The following CSMD1 variants were observed in gnomAD, a reference collection of about 807,000 sequenced individuals.
The protein encoded by CSMD1 is CUB and sushi domain-containing protein 1.
A neutral mutation model predicts 417.5 loss-of-function variants in CSMD1; 213 were observed. That is an observed-to-expected ratio of 0.51 (90% CI 0.46 to 0.57). CSMD1 has a LOEUF of 0.57. Ranked by LOEUF, CSMD1 falls within the 20% of genes least tolerant of loss-of-function variation. The probability of loss-of-function intolerance (pLI) is 0.00; values close to 1 mark genes in which losing one functional copy is unlikely to be tolerated. For missense variants in CSMD1, 6,923 were observed against 4,529.7 expected (o/e 1.53, Z -15.17); for synonymous variants, 2,862 against 1,736.8 (o/e 1.65, Z -16.11).
intron 3 of CSMD1, among the ~76,000 whole-genome samples, chr8:4,299,838 C>T (rs141944248): frequency 1.3e-5 from 2 of 152,048 alleles, no homozygotes; most frequent in Non-Finnish European, 2.9e-5. Context: ...ACCTTCTTGG[C>T]CAGGATGGTC....
intron 5 of CSMD1, among the ~76,000 whole-genome samples, chr8:3,885,417 C>T (rs1806494944): frequency 6.6e-6 from 1 of 152,068 alleles, no homozygotes; most frequent in South Asian, 2.1e-4. Context: ...GACAATATCC[C>T]ATCACAGGAT....
chr8:4,136,539 C>G (rs995489741), intron 3 of CSMD1, among the ~76,000 whole-genome samples: 1 of 152,208 alleles, frequency 6.6e-6, no homozygotes, highest in Non-Finnish European at 1.5e-5. Context: ...TTCAATGACT[C>G]TCAGCAAAAG....
At chr8:3,207,971 T>C (rs1797399200) in intron 30 of CSMD1, among the ~76,000 whole-genome samples, 2 of 152,238 alleles carry the variant, frequency 1.3e-5, no homozygotes, top group South Asian at 2.1e-4. Flanking sequence ...CCAACGCAGA[T>C]ATATCCCTCA....
At chr8:4,547,084 T>G (rs1039073718) in intron 2 of CSMD1, among the ~76,000 whole-genome samples, 27 of 152,300 alleles carry the variant, frequency 1.8e-4, no homozygotes, top group African/African-American at 6.3e-4. Context: ...ATTTGTATAT[T>G]TCATAGTCAC....
At chr8:4,827,713 G>C (rs1365682092) in intron 1 of CSMD1, among the ~76,000 whole-genome samples, 1 of 152,032 alleles carries the variant, frequency 6.6e-6, no homozygotes, top group African/African-American at 2.4e-5. Flanking sequence ...ATTATCTGTA[G>C]ATCTAAAAAG....
intron 4 of CSMD1, among the ~76,000 whole-genome samples, chr8:4,021,813 G>A (rs1178696855): frequency 2.0e-5 from 3 of 151,974 alleles, no homozygotes; most frequent in Non-Finnish European, 2.9e-5. Flanking sequence ...CTAAATTAAA[G>A]AAACTAAAGA....
intron 3 of CSMD1, among the ~76,000 whole-genome samples, chr8:4,109,518 T>C (rs1159002344): frequency 3.3e-5 from 5 of 152,144 alleles, no homozygotes; most frequent in Admixed American, 2.0e-4. Context: ...GTAGACTTAT[T>C]GTCAGTAGTC....
intron 3 of CSMD1, among the ~76,000 whole-genome samples, chr8:4,352,938 C>A (rs941331782): frequency 6.6e-6 from 1 of 152,160 alleles, no homozygotes; most frequent in African/African-American, 2.4e-5. Context: ...TAAGTAAATA[C>A]GAGCTTGTAG....
intron 2 of CSMD1, among the ~76,000 whole-genome samples, chr8:4,482,314 C>G (rs780247046): frequency 6.6e-5 from 10 of 152,134 alleles, no homozygotes; most frequent in Non-Finnish European, 1.0e-4. Flanking sequence ...TCTCTTCATT[C>G]AGCTCCCATT....
chr8:3,636,766 G>A (rs1402414174), intron 7 of CSMD1, among the ~76,000 whole-genome samples: 1 of 152,136 alleles, frequency 6.6e-6, no homozygotes, highest in South Asian at 2.1e-4. Context: ...AGGCAGAGAG[G>A]TTCTCCTGAC....
chr8:4,821,847 C>G (rs937993879), intron 1 of CSMD1, among the ~76,000 whole-genome samples: 1 of 152,148 alleles, frequency 6.6e-6, no homozygotes. Flanking sequence ...AAAAGCTGAG[C>G]CTGTCCCCAC....
intron 10 of CSMD1, among the ~76,000 whole-genome samples, chr8:3,511,765 AACATAACATAACATAAC>A (rs1797079371): frequency 7.4e-5 from 1 of 13,594 alleles, no homozygotes; most frequent in Non-Finnish European, 2.0e-4. Context: ...CTAAAAAAAT[AACATAACATAACATAAC>A]ATAACATAAC....
intron 7 of CSMD1, among the ~76,000 whole-genome samples, chr8:3,699,296 T>A (rs1392025095): frequency 6.6e-6 from 1 of 152,250 alleles, no homozygotes; most frequent in Admixed American, 6.5e-5. Flanking sequence ...ATTTTCCTGT[T>A]TCCTTCCATG....
At chr8:4,730,670 A>G (rs371581309) in intron 1 of CSMD1, among the ~76,000 whole-genome samples, 63 of 152,176 alleles carry the variant, frequency 4.1e-4, no homozygotes, top group South Asian at 1.5e-3. Context: ...GAACCCGGGA[A>G]GCGGAGCTTG....
At chr8:3,846,992 A>C (rs183770105) in intron 5 of CSMD1, among the ~76,000 whole-genome samples, 5 of 152,156 alleles carry the variant, frequency 3.3e-5, no homozygotes, top group Admixed American at 1.3e-4. Context: ...TTACTTTTTA[A>C]ATATGAATTT....
chr8:3,615,589 C>A (rs531493069), intron 8 of CSMD1, among the ~76,000 whole-genome samples: 17 of 152,174 alleles, frequency 1.1e-4, no homozygotes, highest in African/African-American at 4.1e-4. Context: ...ACCATTTTAC[C>A]AACTTCAATA....
chr8:3,266,371 T>G (rs552967552), intron 26 of CSMD1, among the ~76,000 whole-genome samples: 2 of 151,678 alleles, frequency 1.3e-5, no homozygotes, highest in African/African-American at 4.8e-5. Context: ...TGTGGGAGGC[T>G]GAGGCGGGTG....
chr8:3,834,765 G>C (rs1329336718), intron 5 of CSMD1, among the ~76,000 whole-genome samples: 1 of 151,882 alleles, frequency 6.6e-6, no homozygotes, highest in Non-Finnish European at 1.5e-5. Flanking sequence ...TGGCGGAATA[G>C]GAAGAGCTCA....
intron 10 of CSMD1, among the ~76,000 whole-genome samples, chr8:3,570,055 G>A (rs1355476070): frequency 6.6e-6 from 1 of 152,132 alleles, no homozygotes; most frequent in African/African-American, 2.4e-5. Flanking sequence ...ACTTCTAAAA[G>A]GAGAGAAGAG....
Sources: gnomAD v4.1 joint callset for allele counts (sites outside exome capture counted in the v4.1 genomes callset) on GRCh38, gnomAD v4.1.1 for gene constraint, MANE v1.5 for transcripts, NCBI Gene and HGNC (gene_info 2026-07-23, HGNC 2026-07-21) for gene names.